The following ZNF236 variants were observed in gnomAD, a reference collection of about 807,000 sequenced individuals.
ZNF236 encodes zinc finger protein 236.
Under a neutral mutation model 191.2 loss-of-function variants are expected in ZNF236, and 50 were observed. That is an observed-to-expected ratio of 0.26 (90% CI 0.21 to 0.33). The LOEUF (loss-of-function observed/expected upper bound fraction) is 0.33. Among genes scored for constraint, ZNF236 ranks in the 10% least tolerant of loss-of-function variants. The pLI is 1.00. For missense variants in ZNF236, 1,754 were observed against 2,374.5 expected (o/e 0.74, Z 5.43); for synonymous variants, 907 against 928.8 (o/e 0.98, Z 0.43).
intron 17 of ZNF236, among the ~76,000 whole-genome samples, chr18:76,913,064 G>T (rs936219267): frequency 6.6e-6 from 1 of 152,360 alleles, no homozygotes; most frequent in African/African-American, 2.4e-5. Flanking sequence ...CTTGACTTAG[G>T]TTATAGTGTA....
intron 13 of ZNF236, among the ~76,000 whole-genome samples, 165 bp from the exon 14 acceptor site, chr18:76,908,155 G>A (rs888727416): frequency 6.6e-6 from 1 of 152,214 alleles, no homozygotes; most frequent in Non-Finnish European, 1.5e-5. Flanking sequence ...TCTCTTCAGA[G>A]TTACTAATGT....
intron 2 of ZNF236, among the ~76,000 whole-genome samples, chr18:76,851,417 C>T (rs1277286504): frequency 6.6e-6 from 1 of 152,102 alleles, no homozygotes; most frequent in Admixed American, 6.5e-5. Flanking sequence ...AGGCGTGAGC[C>T]ACCGTGCCTG....
intron 25 of ZNF236, among the ~76,000 whole-genome samples, chr18:76,930,630 A>G (rs1172250867): frequency 6.6e-6 from 1 of 152,248 alleles, no homozygotes; most frequent in Non-Finnish European, 1.5e-5. Context: ...ATAGGAACAC[A>G]GCACACGGGA....
intron 9 of ZNF236, chr18:76,887,283 A>G (rs1429081112): frequency 1.3e-5 from 2 of 152,144 alleles, no homozygotes; most frequent in African/African-American, 4.8e-5. Context: ...GAGGAAGGAG[A>G]ATGGCTTGAA....
Position 76,880,276 on chromosome 18 carries a change from A to T in ZNF236, c.1148A>T (p.Gln383Leu). The change falls in exon 8 of 31, where the codon CAG becomes CTG. Residue 383 changes from glutamine (Q) to leucine (L), a missense_variant. Transcript: ENST00000320610. The surrounding 1 kb of genome is among the most constrained non-coding windows in gnomAD (Gnocchi z 5.0). ...GGGCAGTCCCCGCAGCCTGGGCAGCAGCTGAGCATCACAGTGGGCATCAAC... is the reference window on the plus strand; with the variant it reads ...GGGCAGTCCCCGCAGCCTGGGCAGCTGCTGAGCATCACAGTGGGCATCAAC... The part of the protein sequence containing the change: ...ESGQSPQPGQ[Q>L]LSITVGINQD... 2 of 1,614,030 alleles carry T rather than the reference A, an allele frequency of 1.2e-6. No individual in the cohort carries two copies. The highest frequency in any genetic ancestry group is 1.7e-6 in the Non-Finnish European group (2 of 1,179,954).
chr18:76,874,864 C>T (rs777090621), intron 5 of ZNF236, among the ~76,000 whole-genome samples: 13 of 152,226 alleles, frequency 8.5e-5, no homozygotes, highest in Non-Finnish European at 1.8e-4. Flanking sequence ...CTGACAACAG[C>T]TGGTGTGCGA....
At chr18:76,827,130 G>A (rs1161840118) in intron 1 of ZNF236, among the ~76,000 whole-genome samples, 1 of 151,808 alleles carries the variant, frequency 6.6e-6, no homozygotes, top group Non-Finnish European at 1.5e-5. Context: ...TCCTGACCTC[G>A]GGTGATCCTC....
At chr18:76,914,947 T>A (rs1342627053) in intron 18 of ZNF236, among the ~76,000 whole-genome samples, 1 of 152,192 alleles carries the variant, frequency 6.6e-6, no homozygotes, top group Non-Finnish European at 1.5e-5. Context: ...AAGGAAAAGT[T>A]TTATTGACTG....
intron 1 of ZNF236, among the ~76,000 whole-genome samples, chr18:76,822,874 G>C (rs1232410078): frequency 6.8e-6 from 1 of 147,558 alleles, no homozygotes. Flanking sequence ...CCCTCCGCGC[G>C]CTGGGCCTAC....
chr18:76,945,708 C>G (rs1202566988), intron 26 of ZNF236, among the ~76,000 whole-genome samples: 1 of 152,130 alleles, frequency 6.6e-6, no homozygotes, highest in East Asian at 1.9e-4. Context: ...CACTTGAACC[C>G]GGGAGGCAGA....
chr18:76,907,435 C>T (rs1198047082), intron 13 of ZNF236, among the ~76,000 whole-genome samples: 1 of 152,162 alleles, frequency 6.6e-6, no homozygotes, highest in African/African-American at 2.4e-5. Context: ...CTCACTGCAA[C>T]CTCCTGCCTC....
At chr18:76,871,391 G>A (rs763313597) in intron 4 of ZNF236, among the ~76,000 whole-genome samples, 7 of 152,146 alleles carry the variant, frequency 4.6e-5, no homozygotes, top group Non-Finnish European at 1.0e-4. Context: ...AATTATACCC[G>A]TAGCATCTTT....
intron 28 of ZNF236, among the ~76,000 whole-genome samples, chr18:76,958,593 C>T (rs1486239000): frequency 3.3e-5 from 5 of 152,216 alleles, no homozygotes; most frequent in Non-Finnish European, 7.3e-5. Context: ...AAGCTTAGCA[C>T]TCAGTGTGAC....
chr18:76,895,329 G>A, intron 10 of ZNF236, 44 bp downstream of exon 10: 1 of 1,591,044 alleles, frequency 6.3e-7, no homozygotes, highest in Non-Finnish European at 8.5e-7. Flanking sequence ...GGCCACGGGG[G>A]CCACACACAT....
rs76514607 is a variant in ZNF236, at chr18:76,901,810, G to A, written c.1895-2570G>A. Reference sequence around the variant, plus strand: ...TATACGAATTGTACTAAGCTTCCTAGGAACTATAATTGTTATGCTATTTAA... The same window carrying A: ...TATACGAATTGTACTAAGCTTCCTAAGAACTATAATTGTTATGCTATTTAA... On this transcript the variant is annotated intron_variant, in intron 11 of 30. Coordinates refer to ENST00000320610, the MANE Select transcript of ZNF236 (RefSeq NM_001306089.2). Among the ~76,000 whole-genome samples the A allele has an allele frequency of 9.6e-3, 1,467 of 152,138 alleles. 22 individuals are homozygous for A. The highest frequency in any genetic ancestry group is 0.033 in the African/African-American group (1,379 of 41,516).
chr18:76,958,405 CAGG>C (rs1389883216), intron 28 of ZNF236, among the ~76,000 whole-genome samples: 1 of 152,144 alleles, frequency 6.6e-6, no homozygotes, highest in African/African-American at 2.4e-5. Flanking sequence ...GTTCCCACCG[CAGG>C]AGATTTCTCT....
chr18:76,874,502 A>G (rs1976663741), intron 5 of ZNF236, among the ~76,000 whole-genome samples: 1 of 152,056 alleles, frequency 6.6e-6, no homozygotes, highest in Admixed American at 6.5e-5. Flanking sequence ...GCGCACAAGC[A>G]CTTGCCTTCT....
chr18:76,947,239 C>A (rs901355862), intron 26 of ZNF236, among the ~76,000 whole-genome samples: 2 of 152,170 alleles, frequency 1.3e-5, no homozygotes, highest in African/African-American at 4.8e-5. Context: ...TATTACTGAA[C>A]AATATTCCCT....
At chr18:76,899,986 G>A (rs1378397881) in intron 11 of ZNF236, among the ~76,000 whole-genome samples, 1 of 152,072 alleles carries the variant, frequency 6.6e-6, no homozygotes, top group Non-Finnish European at 1.5e-5. Flanking sequence ...TCCTCCCAAA[G>A]GTCCTACCTC....
Sources: gnomAD v4.1 joint callset for allele counts (sites outside exome capture counted in the v4.1 genomes callset) on GRCh38, gnomAD v4.1.1 for gene constraint, Gnocchi (gnomAD v3.1) non-coding constraint, MANE v1.5 for transcripts, NCBI Gene and HGNC (gene_info 2026-07-23, HGNC 2026-07-21) for gene names.